Variants in CNTN4 observed in about 807,000 individuals in gnomAD.
CNTN4 encodes contactin-4.
In CNTN4, 77 loss-of-function variants were observed where a neutral mutation model predicts 122.5. The observed-to-expected ratio is 0.63, with a 90% CI of 0.52 to 0.76. The LOEUF (loss-of-function observed/expected upper bound fraction) is 0.76, where lower values mean the gene tolerates loss of function less well. CNTN4 is among the 30% of genes least tolerant of loss of function. CNTN4 has a pLI of 0.00. For missense variants in CNTN4, 1,256 were observed against 1,259.1 expected, an observed-to-expected ratio of 1.00 and a Z score of 0.04; for synonymous variants, 512 against 447.0, an observed-to-expected ratio of 1.15 and a Z score of -1.83.
chr3:2,528,027 A>G (rs543038114), intron 3 of CNTN4, among the ~76,000 whole-genome samples: 1 of 152,204 alleles, frequency 6.6e-6, no homozygotes, highest in East Asian at 1.9e-4. Context: ...GTTCTTTCTA[A>G]AACAATCAGT....
intron 3 of CNTN4, among the ~76,000 whole-genome samples, chr3:2,364,735 C>T (rs2045305540): frequency 6.6e-6 from 1 of 152,018 alleles, no homozygotes; most frequent in African/African-American, 2.4e-5. Flanking sequence ...AATCTAGTTT[C>T]CTGGTAATTG....
chr3:2,168,022 T>C (rs2728518), intron 2 of CNTN4, among the ~76,000 whole-genome samples: 108,732 of 151,760 alleles, frequency 0.72, 39,190 homozygotes, highest in Admixed American at 0.76. Context: ...TGCCTATGGT[T>C]CTAGCTAGGC....
At chr3:2,489,909 A>G (rs1418439602) in intron 3 of CNTN4, among the ~76,000 whole-genome samples, 1 of 152,176 alleles carries the variant, frequency 6.6e-6, no homozygotes, top group Non-Finnish European at 1.5e-5. Flanking sequence ...AAAAGGATGT[A>G]TGTATGTCTC....
intron 10 of CNTN4, among the ~76,000 whole-genome samples, chr3:2,893,434 C>T (rs2094067960): frequency 6.6e-6 from 1 of 152,170 alleles, no homozygotes; most frequent in South Asian, 2.1e-4. Context: ...CACAGTAGGG[C>T]AATAGTTTGC....
intron 2 of CNTN4, among the ~76,000 whole-genome samples, chr3:2,255,050 G>A (rs949445192): frequency 2.0e-5 from 3 of 152,132 alleles, no homozygotes; most frequent in Non-Finnish European, 4.4e-5. Context: ...TCCAGCTTGA[G>A]TTAATTTTTG....
At chr3:2,899,050 C>T (rs1297026374) in intron 10 of CNTN4, among the ~76,000 whole-genome samples, 2 of 152,150 alleles carry the variant, frequency 1.3e-5, no homozygotes, top group African/African-American at 2.4e-5. Context: ...TTGGCCTCCC[C>T]TCATATGCAG....
At chr3:2,224,477 C>G (rs2039188976) in intron 2 of CNTN4, among the ~76,000 whole-genome samples, 1 of 152,172 alleles carries the variant, frequency 6.6e-6, no homozygotes, top group South Asian at 2.1e-4. Flanking sequence ...ACATGAGTTC[C>G]TCCAAATTCT....
At chr3:2,951,353 T>C (rs1288653301) in intron 13 of CNTN4, among the ~76,000 whole-genome samples, 1 of 152,148 alleles carries the variant, frequency 6.6e-6, no homozygotes, top group Non-Finnish European at 1.5e-5. Context: ...ATCCCTCAAA[T>C]GCACAGTTCA....
At position 2,603,181 on chromosome 3, in the gene CNTN4, A is replaced by G. The variant is rs577782178; in HGVS notation, c.55+31623A>G. Among the ~76,000 whole-genome samples the G allele has an allele frequency of 7.2e-5, 11 of 152,174 alleles. 1 individual carries two copies. In the South Asian group the frequency reaches 1.2e-3, roughly 17 times the overall value. On this transcript the variant is annotated intron_variant, in intron 4 of 24. Transcript: ENST00000418658. The stretch of plus-strand genomic sequence containing the variant: ...GATGGAACAAAGTTGCTGTTACTCT[A>G]TGTGATTAGGGAATGATGTTTTAGG...
At chr3:2,958,860 A>G (rs1006327746) in intron 13 of CNTN4, among the ~76,000 whole-genome samples, 3 of 152,216 alleles carry the variant, frequency 2.0e-5, no homozygotes, top group East Asian at 1.9e-4. Flanking sequence ...TCTAGATTTT[A>G]TGAACTTATG....
At chr3:2,664,252 C>A (rs1008417708) in intron 4 of CNTN4, among the ~76,000 whole-genome samples, 1 of 152,114 alleles carries the variant, frequency 6.6e-6, no homozygotes, top group Non-Finnish European at 1.5e-5. Flanking sequence ...GAAATACATA[C>A]GTCTTCTAAG....
chr3:2,665,343 G>A (rs910170628), intron 4 of CNTN4, among the ~76,000 whole-genome samples: 5 of 152,160 alleles, frequency 3.3e-5, no homozygotes, highest in African/African-American at 1.2e-4. Context: ...AGGAAACAGT[G>A]CTTTTTCTGT....
chr3:2,773,582 T>C (rs562723293), intron 6 of CNTN4, among the ~76,000 whole-genome samples: 1 of 152,024 alleles, frequency 6.6e-6, no homozygotes, highest in Admixed American at 6.6e-5. Flanking sequence ...AGGTGTTCGG[T>C]TGGGTTCCTG....
chr3:2,475,250 A>C (rs1219154959), intron 3 of CNTN4, among the ~76,000 whole-genome samples: 3 of 152,236 alleles, frequency 2.0e-5, no homozygotes, highest in African/African-American at 7.2e-5. Flanking sequence ...GTTGAGGAAG[A>C]AGTCCGTTCA....
At chr3:2,740,739 A>G (rs1004645054) in intron 5 of CNTN4, among the ~76,000 whole-genome samples, 2 of 152,224 alleles carry the variant, frequency 1.3e-5, no homozygotes, top group South Asian at 2.1e-4. Flanking sequence ...GTCATCAGGT[A>G]GGGTTCTCAG....
At chr3:2,669,542 C>G (rs1388191245) in intron 4 of CNTN4, among the ~76,000 whole-genome samples, 5 of 152,006 alleles carry the variant, frequency 3.3e-5, no homozygotes, top group East Asian at 1.9e-4. Context: ...CAAAAAACCA[C>G]CTCCTGGATT....
At chr3:2,789,592 C>G (rs1468412418) in intron 6 of CNTN4, among the ~76,000 whole-genome samples, 2 of 152,296 alleles carry the variant, frequency 1.3e-5, no homozygotes, top group South Asian at 2.1e-4. Context: ...GCCACCATGC[C>G]CGGTGAATTT....
chr3:2,290,339 G>C (rs192720673), intron 2 of CNTN4, among the ~76,000 whole-genome samples: 2 of 152,248 alleles, frequency 1.3e-5, no homozygotes, highest in Admixed American at 1.3e-4. Context: ...GCTTGTCTTG[G>C]TATGTTATGA....
At chr3:2,230,990 AAAAAC>A (rs555764413) in intron 2 of CNTN4, among the ~76,000 whole-genome samples, 2 of 152,268 alleles carry the variant, frequency 1.3e-5, no homozygotes, top group African/African-American at 4.8e-5. Context: ...TCTGTTTCAA[AAAAAC>A]AAAACAAAAC....
Sources: allele counts gnomAD v4.1 joint callset (sites outside exome capture counted in the v4.1 genomes callset), GRCh38; gene constraint gnomAD v4.1.1; transcripts MANE v1.5; gene names NCBI Gene and HGNC (gene_info 2026-07-23, HGNC 2026-07-21).